The following PITPNM2 variants were observed in gnomAD, a reference collection of about 807,000 sequenced individuals.
PITPNM2 encodes the protein membrane-associated phosphatidylinositol transfer protein 2.
In PITPNM2, 35 loss-of-function variants were observed where a neutral mutation model predicts 132.2. That is an observed-to-expected ratio of 0.26 (90% CI 0.20 to 0.35). PITPNM2 has a LOEUF of 0.35. Ranked by LOEUF, PITPNM2 falls within the 10% of genes least tolerant of loss-of-function variation. The probability of loss-of-function intolerance (pLI) is 1.00; values close to 1 mark genes in which losing one functional copy is unlikely to be tolerated. For synonymous variants in PITPNM2, 738 were observed against 799.2 expected (o/e 0.92, Z 1.29); for missense variants, 1,332 against 1,912.0 (o/e 0.70, Z 5.66).
intron 2 of PITPNM2, among the ~76,000 whole-genome samples, chr12:123,044,210 C>G (rs2040581309): frequency 6.6e-6 from 1 of 152,210 alleles, no homozygotes; most frequent in Non-Finnish European, 1.5e-5. Flanking sequence ...GGGGTTTGCT[C>G]AGGGGCCTTC....
chr12:123,010,168 G>C lies in PITPNM2; in HGVS notation c.416-91C>G. 2.6e-6 allele frequency: 3 copies of C among 1,133,128 alleles called. No individual in the cohort carries two copies. In the South Asian group the frequency reaches 4.2e-5, roughly 16 times the overall value. The allele number at this position is 1,133,128 out of a possible 1,614,324, so 70.2% of individuals were successfully genotyped here. Reference sequence around the variant, plus strand: ...GTTCCTCCACCCCCAAATCCTCCCAGGACTCTGGGCCTTGCCCTGCCAGAG... The same window carrying C: ...GTTCCTCCACCCCCAAATCCTCCCACGACTCTGGGCCTTGCCCTGCCAGAG... On this transcript the variant is annotated intron_variant, in intron 5 of 25. Coordinates refer to ENST00000320201, the MANE Select transcript of PITPNM2 (RefSeq NM_020845.3).
chr12:123,103,722 G>A (rs1159745390), intron 2 of PITPNM2, among the ~76,000 whole-genome samples: 3 of 152,122 alleles, frequency 2.0e-5, no homozygotes, highest in Non-Finnish European at 4.4e-5. Context: ...AGCTTGCCAT[G>A]GGACTTTGGA....
chr12:122,991,567 GGCCCACAATAT>G (rs1369247579), intron 16 of PITPNM2, among the ~76,000 whole-genome samples: 1 of 152,180 alleles, frequency 6.6e-6, no homozygotes, highest in Non-Finnish European at 1.5e-5. Flanking sequence ...CCCTGCCTCT[GGCCCACAATAT>G]GCAGGGAGGA....
intron 2 of PITPNM2, among the ~76,000 whole-genome samples, chr12:123,038,601 G>C (rs140849991): frequency 3.2e-4 from 49 of 152,370 alleles, no homozygotes; most frequent in African/African-American, 1.1e-3. Context: ...GATTCTGCTC[G>C]GCAGAGCTGA....
At chr12:123,044,608 A>G (rs563527141) in intron 2 of PITPNM2, among the ~76,000 whole-genome samples, 2 of 152,174 alleles carry the variant, frequency 1.3e-5, no homozygotes, top group South Asian at 2.1e-4. Context: ...GAGTAGATAC[A>G]TAATGAGAAT....
chr12:123,052,052 A>G (rs1592975249), intron 2 of PITPNM2, among the ~76,000 whole-genome samples: 1 of 141,910 alleles, frequency 7.0e-6, no homozygotes, highest in South Asian at 2.3e-4. Flanking sequence ...ACAGGCACAT[A>G]CCACCATGCC....
intron 2 of PITPNM2, among the ~76,000 whole-genome samples, chr12:123,104,454 G>A (rs2042644533): frequency 6.6e-6 from 1 of 152,180 alleles, no homozygotes; most frequent in African/African-American, 2.4e-5. Context: ...AAGTATAAAT[G>A]GCCGGTCCTT....
chr12:122,986,635 C>A lies in PITPNM2; in HGVS notation c.3597+11G>T. 2.5e-6 allele frequency: 4 copies of A among 1,610,720 alleles called. No individual in the cohort carries two copies. The highest frequency in any genetic ancestry group is 3.4e-6 in the Non-Finnish European group (4 of 1,178,210). ...CCCACCCCTGCCCTGCCCCATCCTC[C>A]CGGGCCCCACCTCGGAGATGAGCAG... On this transcript the variant is annotated intron_variant, in intron 24 of 25. Coordinates refer to ENST00000320201, the MANE Select transcript of PITPNM2 (RefSeq NM_020845.3).
Position 122,987,821 on chromosome 12 carries a change from A to G in PITPNM2, c.3078T>C (p.Tyr1026=), listed in dbSNP as rs775370354. The G allele has an allele frequency of 7.4e-6, 12 of 1,613,948 alleles. No homozygotes were observed. In the East Asian group the frequency reaches 2.2e-4, roughly 30 times the overall value. Residue 1026 remains tyrosine, a synonymous_variant, in exon 21 of 26, where the codon TAT becomes TAC. Transcript: ENST00000320201. ...TCAGGGTGACCATGTCCAGGGGCCC[A>G]TACATGAACCTGCCCGTCAGAACCT... ...GPQVLTGRFM[Y]GPLDMVTLTG...
At chr12:123,123,665 T>C (rs1205088963) in intron 1 of PITPNM2, among the ~76,000 whole-genome samples, 1 of 152,078 alleles carries the variant, frequency 6.6e-6, no homozygotes, top group Admixed American at 6.6e-5. Flanking sequence ...CCGGGAGCAT[T>C]GGCTCATGCC....
Position 122,994,111 on chromosome 12 carries a change from T to A in PITPNM2, c.2233+690A>T, listed in dbSNP as rs898973695. ...CTGGTCTCAAACTCCTGACCTCAGC[T>A]GATCCGCCCGCCTCGGCCTCCCAAA... On this transcript the variant is annotated intron_variant, in intron 15 of 25. Transcript: ENST00000320201. This position sits in a 1 kb window ranked among gnomAD's most constrained non-coding sequence, Gnocchi z 5.4. Among the ~76,000 whole-genome samples, 1 of 151,372 alleles carries A rather than the reference T, an allele frequency of 6.6e-6. No individual in the cohort carries two copies. The highest frequency in any genetic ancestry group is 1.5e-5 in the Non-Finnish European group (1 of 68,032).
intron 1 of PITPNM2, among the ~76,000 whole-genome samples, chr12:123,139,676 A>C (rs930301541): frequency 2.6e-5 from 4 of 152,196 alleles, no homozygotes; most frequent in Non-Finnish European, 4.4e-5. Context: ...TGAGGCCTTA[A>C]CATGGCCAGA....
chr12:123,098,469 C>T (rs773195786), intron 2 of PITPNM2, among the ~76,000 whole-genome samples: 3 of 152,206 alleles, frequency 2.0e-5, no homozygotes, highest in Non-Finnish European at 4.4e-5. Flanking sequence ...CTTTGGGAAA[C>T]TGTGGGAGGA....
Position 122,986,840 on chromosome 12 carries a change from G to C in PITPNM2, c.3414-11C>G. The C allele has an allele frequency of 6.2e-7, 1 of 1,600,356 alleles. No homozygotes were observed. The highest frequency in any genetic ancestry group is 8.5e-7 in the Non-Finnish European group (1 of 1,172,448). On this transcript the variant is annotated splice_polypyrimidine_tract_variant and intron_variant, in intron 23 of 25. Transcript: ENST00000320201. ...AGGTCCTGCCAGTGCCTGGGGGTGAGGTGTCGTCTCATGGTCACCCCTTCC... is the reference window on the plus strand; with the variant it reads ...AGGTCCTGCCAGTGCCTGGGGGTGACGTGTCGTCTCATGGTCACCCCTTCC...
chr12:123,150,931 C>G lies in PITPNM2; in HGVS notation c.-378G>C, dbSNP rs1376891297. Among the ~76,000 whole-genome samples the G allele has an allele frequency of 6.9e-6, 1 of 145,904 alleles. No individual in the cohort carries two copies. Among genetic ancestry groups the G allele is most frequent in the Non-Finnish European group, 1.5e-5 (1 of 65,666 alleles). On this transcript the variant is annotated 5_prime_UTR_variant, in exon 1 of 26. Coordinates refer to ENST00000320201, the MANE Select transcript of PITPNM2 (RefSeq NM_020845.3). This position sits in a 1 kb window ranked among gnomAD's most constrained non-coding sequence, Gnocchi z 6.0. Reference sequence around the variant, plus strand: ...GCAGAGCCCCGGCGGGCATTGCTCCCGAGCGTCGCAGGCGGGCGGCGGCGG... The same window carrying G: ...GCAGAGCCCCGGCGGGCATTGCTCCGGAGCGTCGCAGGCGGGCGGCGGCGG...
At chr12:123,028,942 G>C (rs902933070) in intron 3 of PITPNM2, among the ~76,000 whole-genome samples, 1 of 152,180 alleles carries the variant, frequency 6.6e-6, no homozygotes, top group Non-Finnish European at 1.5e-5. Flanking sequence ...GTGACAGGAA[G>C]GGCACAGGTA....
chr12:123,034,709 AG>A, intron 2 of PITPNM2, 24 bp from the exon 3 acceptor site: 1 of 822,062 alleles, frequency 1.2e-6, no homozygotes, highest in Non-Finnish European at 2.0e-6. Context: ...AGGACAGAAC[AG>A]AACAGTCACT....
At chr12:123,076,639 T>C (rs1469057022) in intron 2 of PITPNM2, among the ~76,000 whole-genome samples, 1 of 152,224 alleles carries the variant, frequency 6.6e-6, no homozygotes, top group Non-Finnish European at 1.5e-5. Context: ...AGACACATAC[T>C]GGAACATCTA....
chr12:123,083,348 A>G lies in PITPNM2; in HGVS notation c.-96+27037T>C, dbSNP rs2042019105. On this transcript the variant is annotated intron_variant, in intron 2 of 25. Coordinates refer to ENST00000320201, the MANE Select transcript of PITPNM2 (RefSeq NM_020845.3). This position sits in a 1 kb window ranked among gnomAD's most constrained non-coding sequence, Gnocchi z 4.5. ...TCTAAATATACAAACGGATGAACCA[A>G]TGGATGGATGGATGAATGAAGACCC... 5 of 152,222 alleles carry G rather than the reference A, an allele frequency of 3.3e-5. No individual in the cohort carries two copies. Among genetic ancestry groups the G allele is most frequent in the Admixed American group, 2.6e-4 (4 of 15,278 alleles). 9.4% of individuals were successfully genotyped at this position (152,222 alleles called of 1,614,324 possible).
Sources: gnomAD v4.1 joint callset for allele counts (sites outside exome capture counted in the v4.1 genomes callset) on GRCh38, gnomAD v4.1.1 for gene constraint, Gnocchi (gnomAD v3.1) non-coding constraint, MANE v1.5 for transcripts, NCBI Gene and HGNC (gene_info 2026-07-23, HGNC 2026-07-21) for gene names.